RAB33A: variants seen among roughly 807,000 people sequenced by gnomAD.
RAB33A encodes ras-related protein Rab-33A.
A neutral mutation model predicts 12.0 loss-of-function variants in RAB33A; 6 were observed. That is an observed-to-expected ratio of 0.50 (90% CI 0.27 to 0.99). The LOEUF is 0.99. Ranked by LOEUF, RAB33A falls within the 50% of genes least tolerant of loss-of-function variation. The probability of loss-of-function intolerance (pLI) is 0.11; values close to 1 mark genes in which losing one functional copy is unlikely to be tolerated. For missense variants in RAB33A, 109 were observed against 192.0 expected, an observed-to-expected ratio of 0.57 and a Z score of 2.55; for synonymous variants, 70 against 82.4, an observed-to-expected ratio of 0.85 and a Z score of 0.81.
At chrX:130,176,731 G>A (rs1195402264) in intron 1 of RAB33A, among the ~76,000 whole-genome samples, 3 of 111,950 alleles carry the variant, frequency 2.7e-5, no homozygotes, top group Non-Finnish European at 3.8e-5. Context: ...CTTTGTCTCT[G>A]TCCTCCTTTG....
chrX:130,174,241 C>T (rs1489375242), intron 1 of RAB33A, among the ~76,000 whole-genome samples: 6 of 112,656 alleles, frequency 5.3e-5, no homozygotes, highest in African/African-American at 1.9e-4. Context: ...CTCAGCACAA[C>T]ACCACGTGCA....
upstream of RAB33A, chrX:130,171,936 G>A (rs1029923527): frequency 2.4e-5 from 20 of 821,021 alleles, no homozygotes; most frequent in African/African-American, 4.2e-4. Context: ...GCACACACGG[G>A]CGGACACACA....
chrX:130,182,187 T>C (rs1429903096), intron 1 of RAB33A, among the ~76,000 whole-genome samples: 3 of 73,085 alleles, frequency 4.1e-5, no homozygotes, highest in Non-Finnish European at 7.5e-5. Context: ...TATATACACA[T>C]ATATATAACA....
chrX:130,142,566 G>C, the RAB33A span, among the ~76,000 whole-genome samples: 1 of 111,510 alleles, frequency 9.0e-6, no homozygotes, highest in Non-Finnish European at 1.9e-5. Context: ...GCTTTTATCC[G>C]ATTGCCATCT....
intron 1 of RAB33A, among the ~76,000 whole-genome samples, chrX:130,180,530 C>T (rs2031713231): frequency 1.8e-5 from 2 of 111,205 alleles, no homozygotes. Flanking sequence ...TCTCGGCTCA[C>T]TGCAAGCTCC....
At chrX:130,163,633 G>A in the RAB33A span, among the ~76,000 whole-genome samples, 1 of 112,315 alleles carries the variant, frequency 8.9e-6, no homozygotes, top group Admixed American at 9.5e-5. Flanking sequence ...ATATTCTACA[G>A]TAGACTGCCT....
chrX:130,158,662 G>C, the RAB33A span, among the ~76,000 whole-genome samples: 1 of 95,298 alleles, frequency 1.0e-5, no homozygotes, highest in Non-Finnish European at 2.0e-5. Flanking sequence ...ATTGTCCTGG[G>C]CCACATATAA....
the RAB33A span, among the ~76,000 whole-genome samples, chrX:130,121,085 C>A: frequency 8.9e-6 from 1 of 112,415 alleles, no homozygotes; most frequent in Non-Finnish European, 1.9e-5. Context: ...AGCTTCCACT[C>A]CTGCTGCTGC....
chrX:130,129,911 C>T, the RAB33A span: 1 of 1,182,541 alleles, frequency 8.5e-7, no homozygotes, highest in Non-Finnish European at 1.2e-6. Flanking sequence ...GATGAAGTTA[C>T]AGGAATGTTT....
intron 1 of RAB33A, among the ~76,000 whole-genome samples, chrX:130,180,333 C>T (rs2031709447): frequency 8.9e-6 from 1 of 112,828 alleles, no homozygotes; most frequent in African/African-American, 3.2e-5. Context: ...GGCACTGGGG[C>T]TCACGCCTGT....
chrX:130,168,210 CTTT>C (rs377586962), upstream of RAB33A, among the ~76,000 whole-genome samples: 1 of 94,167 alleles, frequency 1.1e-5, no homozygotes. Context: ...CAAAGATACT[CTTT>C]TTTTTTTTTT....
At chrX:130,176,580 A>G (rs748606991) in intron 1 of RAB33A, among the ~76,000 whole-genome samples, 1 of 112,235 alleles carries the variant, frequency 8.9e-6, no homozygotes, top group Non-Finnish European at 1.9e-5. Flanking sequence ...GTTCCTTGGA[A>G]GCTGCCTGCA....
At chrX:130,176,915 C>T (rs927397097) in intron 1 of RAB33A, among the ~76,000 whole-genome samples, 8 of 112,486 alleles carry the variant, frequency 7.1e-5, no homozygotes, top group Non-Finnish European at 1.5e-4. Context: ...CGGCCTCCAA[C>T]AAAAGCACAT....
intron 1 of RAB33A, among the ~76,000 whole-genome samples, chrX:130,175,681 G>A (rs760990400): frequency 9.1e-6 from 1 of 109,782 alleles, no homozygotes; most frequent in African/African-American, 3.3e-5. Context: ...ATTTTTAGTA[G>A]AGATGGGGTT....
chrX:130,175,997 A>C (rs1033271974), intron 1 of RAB33A, among the ~76,000 whole-genome samples: 31 of 111,365 alleles, frequency 2.8e-4, no homozygotes, highest in African/African-American at 9.8e-4. Context: ...TGCTCTTTCC[A>C]CACATCATGC....
the RAB33A span, among the ~76,000 whole-genome samples, chrX:130,150,326 C>CTTTTTT: frequency 6.5e-5 from 4 of 61,649 alleles, no homozygotes; most frequent in Non-Finnish European, 1.2e-4. Flanking sequence ...TTATTGGAGA[C>CTTTTTT]TTTTTTTTTT....
chrX:130,177,204 C>T (rs1257226434), intron 1 of RAB33A, among the ~76,000 whole-genome samples: 4 of 112,322 alleles, frequency 3.6e-5, no homozygotes, highest in Admixed American at 9.4e-5. Context: ...TCTGTCTCAC[C>T]TTCGAGAAGC....
At chrX:130,144,507 C>T in the RAB33A span, among the ~76,000 whole-genome samples, 1 of 111,396 alleles carries the variant, frequency 9.0e-6, no homozygotes, top group Non-Finnish European at 1.9e-5. Flanking sequence ...CTTTTTTGTG[C>T]CCTTGTGCTT....
At chrX:130,150,977 CA>C in the RAB33A span, among the ~76,000 whole-genome samples, 401 of 27,787 alleles carry the variant, frequency 0.014, 7 homozygotes, top group African/African-American at 0.056. Flanking sequence ...GACTCTGTCT[CA>C]AAAAAAAAAA....
Sources: gnomAD v4.1 joint callset for allele counts (sites outside exome capture counted in the v4.1 genomes callset) on GRCh38, gnomAD v4.1.1 for gene constraint, MANE v1.5 for transcripts, NCBI Gene and HGNC (gene_info 2026-07-23, HGNC 2026-07-21) for gene names.